The following BBOX1 variants were observed in gnomAD, a reference collection of about 807,000 sequenced individuals.
BBOX1 encodes the protein gamma-butyrobetaine dioxygenase.
A neutral mutation model predicts 41.6 loss-of-function variants in BBOX1; 35 were observed. That is an observed-to-expected ratio of 0.84 (90% CI 0.64 to 1.11). The LOEUF is 1.11. Ranked by LOEUF, BBOX1 falls within the 50% of genes most tolerant of loss-of-function variation. BBOX1 has a pLI of 0.00. For missense variants in BBOX1, 458 were observed against 460.6 expected (o/e 0.99, Z 0.05); for synonymous variants, 163 against 154.7 (o/e 1.05, Z -0.40).
intron 4 of BBOX1, among the ~76,000 whole-genome samples, chr11:27,071,135 G>A (rs1458599679): frequency 1.3e-5 from 2 of 152,014 alleles, no homozygotes; most frequent in Non-Finnish European, 2.9e-5. Context: ...AGCACTTTAG[G>A]AGGCAAAGGA....
Position 27,045,858 on chromosome 11 carries a change from A to G in BBOX1, c.-39+4380A>G, listed in dbSNP as rs908389159. ...ATCTACTACAATTTTAATTTTATGT[A>G]TAATAACTATAAAGTTTCTGCATCT... is the stretch of plus-strand genomic sequence containing the variant. On this transcript the variant is annotated intron_variant, in intron 2 of 8. Coordinates refer to ENST00000263182, the MANE Select transcript of BBOX1 (RefSeq NM_003986.3). Among the ~76,000 whole-genome samples, 5 of 152,190 alleles carry G rather than the reference A, an allele frequency of 3.3e-5. 1 individual carries two copies. Among genetic ancestry groups the G allele is most frequent in the African/African-American group, 7.2e-5 (3 of 41,450 alleles).
chr11:27,102,713 A>G (rs1590213790), intron 5 of BBOX1, among the ~76,000 whole-genome samples: 2 of 152,096 alleles, frequency 1.3e-5, no homozygotes, highest in Non-Finnish European at 2.9e-5. Context: ...TCTGAAGTCC[A>G]TTCTCTCGTA....
chr11:27,121,039 AG>A (rs1859441763), intron 7 of BBOX1, among the ~76,000 whole-genome samples: 1 of 152,208 alleles, frequency 6.6e-6, no homozygotes, highest in Non-Finnish European at 1.5e-5. Context: ...GAGCATAGCA[AG>A]ATAAGGGGAA....
chr11:27,115,396 C>A, intron 5 of BBOX1, 56 bp from the exon 6 acceptor site: 1 of 1,343,812 alleles, frequency 7.4e-7, no homozygotes, highest in Non-Finnish European at 1.0e-6. Flanking sequence ...CATTCTAATG[C>A]ATTTCCTCTG....
intron 5 of BBOX1, among the ~76,000 whole-genome samples, chr11:27,108,821 T>C (rs1357519684): frequency 6.6e-6 from 1 of 152,038 alleles, no homozygotes; most frequent in Non-Finnish European, 1.5e-5. Flanking sequence ...AAACTCTTTT[T>C]CTCATTAAGA....
chr11:27,047,058 G>T (rs749810591), intron 2 of BBOX1: 7 of 152,100 alleles, frequency 4.6e-5, no homozygotes, highest in Admixed American at 6.5e-5. Context: ...TTAAGAAAGG[G>T]ATTGTGAAGA....
In BBOX1 at chr11:27,066,134, CAAAAT is replaced by C. The variant is rs1478506130; in HGVS notation, c.334+8821_334+8825del. 5.9e-5 allele frequency among the ~76,000 whole-genome samples: 9 copies of C among 152,234 alleles called. No homozygotes were observed. The East Asian group carries it at 1.4e-3, about 23-fold the overall frequency. On this transcript the variant is annotated intron_variant, in intron 4 of 8. Transcript: ENST00000263182. ...GTTATTACTTTTTAAACAAGGAAAA[CAAAAT>C]AGAATGGGCTTTCCTTAGTGAATGA...
At chr11:27,051,210 A>C (rs1488000749) in intron 2 of BBOX1, among the ~76,000 whole-genome samples, 2 of 151,954 alleles carry the variant, frequency 1.3e-5, no homozygotes, top group African/African-American at 4.8e-5. Context: ...TGATCCTTTT[A>C]ATGTGCTATT....
chr11:27,083,196 AT>A (rs1237736671), intron 4 of BBOX1, among the ~76,000 whole-genome samples: 2 of 152,158 alleles, frequency 1.3e-5, no homozygotes, highest in Non-Finnish European at 1.5e-5. Context: ...TCTAGTCATC[AT>A]TAGGAAATAA....
chr11:27,059,381 A>G (rs532092206), intron 4 of BBOX1, among the ~76,000 whole-genome samples: 2 of 152,354 alleles, frequency 1.3e-5, no homozygotes, highest in South Asian at 4.1e-4. Context: ...TAAAAGTAAT[A>G]GTAAATATAA....
chr11:27,051,549 T>C (rs1275361065), intron 2 of BBOX1, among the ~76,000 whole-genome samples: 4 of 152,030 alleles, frequency 2.6e-5, no homozygotes, highest in African/African-American at 9.7e-5. Context: ...TCAGTCCTGG[T>C]AGGTTGTACA....
rs375025795 is a variant in BBOX1 at position 27,108,646 on chromosome 11, A to G, written c.534-6806A>G. ...TATTTGAAATGAGTTGCAGCAGACT[A>G]TAATACTCCATCTTTTTTCACTCAG... is the stretch of plus-strand genomic sequence containing the variant. On this transcript the variant is annotated intron_variant, in intron 5 of 8. Transcript: ENST00000263182. Among the ~76,000 whole-genome samples, 13 of 152,028 alleles carry G rather than the reference A, an allele frequency of 8.6e-5. 1 individual carries two copies. The South Asian group carries it at 2.7e-3, about 32-fold the overall frequency.
At chr11:27,084,606 TC>T (rs1857968792) in intron 4 of BBOX1, among the ~76,000 whole-genome samples, 1 of 152,078 alleles carries the variant, frequency 6.6e-6, no homozygotes, top group South Asian at 2.1e-4. Flanking sequence ...GATTGGCTGA[TC>T]CCCTGCATAT....
intron 5 of BBOX1, among the ~76,000 whole-genome samples, chr11:27,097,862 T>C (rs1222905000): frequency 6.6e-6 from 1 of 151,986 alleles, no homozygotes; most frequent in African/African-American, 2.4e-5. Flanking sequence ...TGTAAATAGG[T>C]GTGGCAAAAT....
rs372164912 is a variant in BBOX1 at position 27,127,302 on chromosome 11, T to A, written c.1013T>A (p.Ile338Asn). The change falls in exon 9 of 9, where the codon ATT becomes AAT. Residue 338 changes from isoleucine to asparagine, a missense_variant. Ile to Asn is a moderately radical substitution (Grantham distance 149). Transcript: ENST00000263182. ...FTFKMNPGDV[I>N]TFDNWRLLHG... The stretch of plus-strand genomic sequence containing the variant: ...AAAATCTTTTCTTTAGGTGATGTGA[T>A]TACTTTTGATAACTGGCGCTTACTT... 4.9e-5 allele frequency: 79 copies of A among 1,613,574 alleles called. No homozygotes were observed. The African/African-American group carries it at 8.9e-4, about 18-fold the overall frequency.
intron 4 of BBOX1, among the ~76,000 whole-genome samples, chr11:27,086,885 T>C (rs1216989205): frequency 6.6e-6 from 1 of 152,094 alleles, no homozygotes; most frequent in Non-Finnish European, 1.5e-5. Context: ...TCAGCCCTCA[T>C]GGATGGCTTT....
chr11:27,056,257 CTTTTA>C (rs1011791611), intron 3 of BBOX1, among the ~76,000 whole-genome samples: 7 of 151,968 alleles, frequency 4.6e-5, no homozygotes, highest in Non-Finnish European at 7.4e-5. Context: ...CTATTACTTA[CTTTTA>C]TTTATTTATT....
chr11:27,049,636 T>C (rs1851607083), intron 2 of BBOX1, among the ~76,000 whole-genome samples: 1 of 152,146 alleles, frequency 6.6e-6, no homozygotes, highest in Admixed American at 6.5e-5. Context: ...CCTTATCAGA[T>C]GTATGGGCCC....
At chr11:27,125,506 C>T (rs964736416) in intron 7 of BBOX1, 148 bp from the exon 8 acceptor site, 5 of 592,924 alleles carry the variant, frequency 8.4e-6, no homozygotes, top group African/African-American at 7.6e-5. Flanking sequence ...GAATACATTG[C>T]ACCACAGGTA....
Sources: gnomAD v4.1 joint callset for allele counts (sites outside exome capture counted in the v4.1 genomes callset) on GRCh38, gnomAD v4.1.1 for gene constraint, MANE v1.5 for transcripts, NCBI Gene and HGNC (gene_info 2026-07-23, HGNC 2026-07-21) for gene names.